The following ZFPM1 variants were observed in gnomAD, a reference collection of about 807,000 sequenced individuals.
ZFPM1 encodes zinc finger protein, FOG family member 1, also known as zinc finger protein ZFPM1.
In ZFPM1, 28 loss-of-function variants were observed where a neutral mutation model predicts 46.3. That is an observed-to-expected ratio of 0.60 (90% CI 0.45 to 0.83). ZFPM1 has a LOEUF of 0.83. Ranked by LOEUF, ZFPM1 falls within the 40% of genes least tolerant of loss-of-function variation. The pLI, the probability that ZFPM1 is intolerant of heterozygous loss-of-function variation, is 0.00. For missense variants in ZFPM1, 1,878 were observed against 1,432.4 expected (o/e 1.31, Z -5.02); for synonymous variants, 957 against 675.9 (o/e 1.42, Z -6.45).
intron 6 of ZFPM1, among the ~76,000 whole-genome samples, chr16:88,531,455 G>C (rs947268409): frequency 6.6e-6 from 1 of 152,148 alleles, no homozygotes; most frequent in Non-Finnish European, 1.5e-5. Context: ...GTGTGTGGGC[G>C]CATGGGGGCT....
chr16:88,524,155 GATTA>G (rs1487728224), intron 4 of ZFPM1, among the ~76,000 whole-genome samples: 2 of 152,192 alleles, frequency 1.3e-5, no homozygotes, highest in Non-Finnish European at 2.9e-5. Context: ...GGATCAAGCA[GATTA>G]ATTTTTTTCA....
Position 88,532,769 on chromosome 16 carries a change from C to A in ZFPM1, c.1043-20C>A. 2 of 1,613,060 alleles carry A rather than the reference C, an allele frequency of 1.2e-6. No homozygotes were observed. Among genetic ancestry groups the A allele is most frequent in the Non-Finnish European group, 1.7e-6 (2 of 1,179,868 alleles). Reference sequence around the variant, plus strand: ...CCGCCTCCCCGCCCTGGGCCTTGACCACCTCGCCATGGCCCACAGGTGTCT... The same window carrying A: ...CCGCCTCCCCGCCCTGGGCCTTGACAACCTCGCCATGGCCCACAGGTGTCT... On this transcript the variant is annotated intron_variant, in intron 8 of 9. Coordinates refer to ENST00000319555, the MANE Select transcript of ZFPM1 (RefSeq NM_153813.3).
rs531894353 is a variant in ZFPM1, at chr16:88,492,960, T to C, written c.268+3807T>C. 4.8e-4 allele frequency among the ~76,000 whole-genome samples: 70 copies of C among 146,152 alleles called. 1 individual carries two copies. The highest frequency in any genetic ancestry group is 3.0e-3 in the Admixed American group (44 of 14,844). ...GGGAGCAGAGACCTGTCCCAGGGTGTGGGGAGCTGTCCCAGGGAGCAGAGA... is the reference window on the plus strand; with the variant it reads ...GGGAGCAGAGACCTGTCCCAGGGTGCGGGGAGCTGTCCCAGGGAGCAGAGA... On this transcript the variant is annotated intron_variant, in intron 3 of 9. Coordinates refer to ENST00000319555, the MANE Select transcript of ZFPM1 (RefSeq NM_153813.3).
rs2142496177 is a variant in ZFPM1, at chr16:88,533,477, CCCA to C, written c.1521_1523del (p.Thr508del). ...CAGGGTCAAGGCCGAGCTGTCCAGC[CCCA>C]CGCCGGGCTCCAGCCCGGTGCCCGG... On this transcript the variant is annotated inframe_deletion, in exon 10 of 10. Coordinates refer to ENST00000319555, the MANE Select transcript of ZFPM1 (RefSeq NM_153813.3). The C allele has an allele frequency of 7.1e-7, 1 of 1,407,364 alleles. No individual in the cohort carries two copies. The highest frequency in any genetic ancestry group is 1.4e-5 in the South Asian group (1 of 70,366). 87.2% of individuals were successfully genotyped at this position (1,407,364 alleles called of 1,614,324 possible).
intron 3 of ZFPM1, among the ~76,000 whole-genome samples, chr16:88,512,061 G>A (rs1300446402): frequency 6.6e-6 from 1 of 152,250 alleles, no homozygotes; most frequent in Admixed American, 6.5e-5. Flanking sequence ...AGCCCTCTCT[G>A]GCAGTGTGTG....
At chr16:88,484,481 C>G (rs954423452) in intron 1 of ZFPM1, among the ~76,000 whole-genome samples, 1 of 152,202 alleles carries the variant, frequency 6.6e-6, no homozygotes, top group African/African-American at 2.4e-5. Context: ...CCAGACTTTT[C>G]TTATTCATTA....
At chr16:88,496,566 T>TC (rs1408962138) in intron 3 of ZFPM1, among the ~76,000 whole-genome samples, 1 of 151,444 alleles carries the variant, frequency 6.6e-6, no homozygotes, top group Non-Finnish European at 1.5e-5. Flanking sequence ...ACAGGGGGGC[T>TC]CCCCTGGACC....
At chr16:88,460,429 T>G (rs1907765182) in intron 1 of ZFPM1, among the ~76,000 whole-genome samples, 1 of 152,140 alleles carries the variant, frequency 6.6e-6, no homozygotes, top group Non-Finnish European at 1.5e-5. Context: ...CCTCCCTGCC[T>G]CGGTTGGTTC....
chr16:88,516,684 G>A (rs917979509), intron 4 of ZFPM1: 4 of 398,234 alleles, frequency 1.0e-5, no homozygotes, highest in Admixed American at 4.4e-5. Flanking sequence ...GTCTCAGCGG[G>A]CCCCTGTCGC....
chr16:88,530,182 G>A (rs1021395333), intron 6 of ZFPM1, among the ~76,000 whole-genome samples: 1 of 152,174 alleles, frequency 6.6e-6, no homozygotes, highest in Non-Finnish European at 1.5e-5. Context: ...CCAACTCCAG[G>A]GGAACACCCC....
intron 3 of ZFPM1, among the ~76,000 whole-genome samples, chr16:88,501,826 G>A (rs570002560): frequency 2.6e-5 from 4 of 152,020 alleles, no homozygotes; most frequent in African/African-American, 9.7e-5. Flanking sequence ...TGGAGGTAGT[G>A]GGCGTGGGTG....
Position 88,478,491 on chromosome 16 carries a change from G to A in ZFPM1, c.41-7448G>A, listed in dbSNP as rs185935030. 4.7e-3 allele frequency among the ~76,000 whole-genome samples: 721 copies of A among 152,354 alleles called. 15 individuals carry two copies. Among genetic ancestry groups the A allele is most frequent in the Non-Finnish European group, 3.9e-3 (264 of 68,036 alleles). On this transcript the variant is annotated intron_variant, in intron 1 of 9. Coordinates refer to ENST00000319555, the MANE Select transcript of ZFPM1 (RefSeq NM_153813.3). Reference sequence around the variant, plus strand: ...TCCTGTGTTCTTTCTTTAGCACCTGGTGCCGGCATCCCTGTAAGGGGTCGC... The same window carrying A: ...TCCTGTGTTCTTTCTTTAGCACCTGATGCCGGCATCCCTGTAAGGGGTCGC...
chr16:88,526,542 G>A (rs528138157), intron 4 of ZFPM1, among the ~76,000 whole-genome samples: 2 of 152,280 alleles, frequency 1.3e-5, no homozygotes, highest in South Asian at 2.1e-4. Flanking sequence ...TTGGGCCTCA[G>A]TCTCCACAAG....
intron 3 of ZFPM1, among the ~76,000 whole-genome samples, chr16:88,508,250 T>C (rs1263257764): frequency 1.3e-5 from 2 of 152,040 alleles, no homozygotes; most frequent in Non-Finnish European, 2.9e-5. Flanking sequence ...TGAGCCGAGA[T>C]TGCACCGCTG....
chr16:88,509,522 G>A (rs761943934), intron 3 of ZFPM1, among the ~76,000 whole-genome samples: 1 of 152,250 alleles, frequency 6.6e-6, no homozygotes, highest in Non-Finnish European at 1.5e-5. Flanking sequence ...GTTCCCGGAC[G>A]TCCGCAGACT....
chr16:88,510,956 C>T (rs543170095), intron 3 of ZFPM1, among the ~76,000 whole-genome samples: 1 of 152,266 alleles, frequency 6.6e-6, no homozygotes, highest in East Asian at 1.9e-4. Context: ...GTCCGTGGGG[C>T]GGGCACTCAT....
chr16:88,527,292 C>T (rs989807974), intron 5 of ZFPM1, among the ~76,000 whole-genome samples: 3 of 152,238 alleles, frequency 2.0e-5, no homozygotes, highest in African/African-American at 7.2e-5. Context: ...TGGCAGGTGC[C>T]ACTGGACCAT....
Position 88,534,432 on chromosome 16 carries a change from G to C in ZFPM1, c.2474G>C (p.Ser825Thr), listed in dbSNP as rs771730558. Residue 825 changes from serine to threonine, a missense_variant, in exon 10 of 10, where the codon AGC becomes ACC. Transcript: ENST00000319555. ...CACGAGTGCACGGCCTGCCGCGTGAGCTTCCACAGCCTCGAGGCCTACCTG... is the reference window on the plus strand; with the variant it reads ...CACGAGTGCACGGCCTGCCGCGTGACCTTCCACAGCCTCGAGGCCTACCTG... ...DYHECTACRV[S>T]FHSLEAYLAH... 1.0e-5 allele frequency: 15 copies of C among 1,496,806 alleles called. No homozygotes were observed. Among genetic ancestry groups the C allele is most frequent in the Non-Finnish European group, 1.3e-5 (15 of 1,130,546 alleles). The allele number at this position is 1,496,806 out of a possible 1,614,324, so 92.7% of individuals were successfully genotyped here.
chr16:88,509,375 C>T (rs1332034576), intron 3 of ZFPM1, among the ~76,000 whole-genome samples: 1 of 152,250 alleles, frequency 6.6e-6, no homozygotes, highest in Non-Finnish European at 1.5e-5. Flanking sequence ...TGGGGTGACC[C>T]CACGGTGGGC....
Sources: allele counts gnomAD v4.1 joint callset (sites outside exome capture counted in the v4.1 genomes callset), GRCh38; gene constraint gnomAD v4.1.1; transcripts MANE v1.5; gene names NCBI Gene and HGNC (gene_info 2026-07-23, HGNC 2026-07-21).